Variants in RHOF observed in about 807,000 individuals in gnomAD.
RHOF encodes rho-related GTP-binding protein RhoF.
Under a neutral mutation model 22.2 loss-of-function variants are expected in RHOF, and 21 were observed. The observed-to-expected ratio is 0.95, with a 90% CI of 0.67 to 1.36. RHOF has a LOEUF of 1.36. Ranked by LOEUF, RHOF falls within the 40% of genes most tolerant of loss-of-function variation. RHOF has a pLI of 0.00. For missense variants in RHOF, 285 were observed against 293.7 expected, an observed-to-expected ratio of 0.97 and a Z score of 0.22; for synonymous variants, 135 against 131.2, an observed-to-expected ratio of 1.03 and a Z score of -0.20.
chr12:121,790,257 C>T (rs1293815424), intron 2 of RHOF, among the ~76,000 whole-genome samples: 1 of 152,260 alleles, frequency 6.6e-6, no homozygotes, highest in Non-Finnish European at 1.5e-5. Flanking sequence ...AGAGCCACCC[C>T]TGTCTCACAG....
At chr12:121,788,724 C>T (rs1039809523) in intron 2 of RHOF, among the ~76,000 whole-genome samples, 1 of 152,034 alleles carries the variant, frequency 6.6e-6, no homozygotes, top group South Asian at 2.1e-4. Context: ...ACAGTGATAA[C>T]CCTCCCCCTA....
intron 2 of RHOF, among the ~76,000 whole-genome samples, chr12:121,788,306 C>T (rs1323610259): frequency 6.6e-6 from 1 of 152,126 alleles, no homozygotes; most frequent in Non-Finnish European, 1.5e-5. Flanking sequence ...CTACTTGTCC[C>T]AGCCCTGACC....
intron 2 of RHOF, among the ~76,000 whole-genome samples, chr12:121,785,394 C>T (rs898005348): frequency 2.0e-5 from 3 of 150,012 alleles, no homozygotes; most frequent in South Asian, 2.1e-4. Flanking sequence ...CCCCCTTGGA[C>T]GTCTTCTCTC....
Position 121,779,455 on chromosome 12 carries a change from C to T in RHOF, c.*43G>A, listed in dbSNP as rs368862251. ...CCCTGGTGCAATCGGCACCTGGGCCCCCGGGCCCTGTCAGTGCTGTCGTGA... is the reference window on the plus strand; with the variant it reads ...CCCTGGTGCAATCGGCACCTGGGCCTCCGGGCCCTGTCAGTGCTGTCGTGA... On this transcript the variant is annotated 3_prime_UTR_variant, in exon 5 of 5. Transcript: ENST00000267205. 3.1e-6 allele frequency: 5 copies of T among 1,598,588 alleles called. No homozygotes were observed. The highest frequency in any genetic ancestry group is 1.7e-4 in the Middle Eastern group (1 of 5,844).
chr12:121,788,813 G>C (rs1427535211), intron 2 of RHOF, among the ~76,000 whole-genome samples: 1 of 152,254 alleles, frequency 6.6e-6, no homozygotes, highest in Middle Eastern at 3.4e-3. Context: ...GGAGTGGGGG[G>C]CAGTGCCGGG....
chr12:121,791,692 A>G (rs770373614), intron 2 of RHOF, among the ~76,000 whole-genome samples: 28 of 152,244 alleles, frequency 1.8e-4, no homozygotes, highest in Middle Eastern at 3.2e-3. Context: ...GCAAGGCCAG[A>G]AAGGCCATCC....
intron 2 of RHOF, among the ~76,000 whole-genome samples, chr12:121,790,353 C>T (rs1343302916): frequency 6.6e-6 from 1 of 152,288 alleles, no homozygotes; most frequent in Non-Finnish European, 1.5e-5. Flanking sequence ...ACTACGTTTA[C>T]TAGACTCATT....
Position 121,779,273 on chromosome 12 carries a change from G to T in RHOF, c.*225C>A. Reference sequence around the variant, plus strand: ...TTGCGAGTCCCGACAACAGACACTGGCTCCTGCACCCACATCACCACCATG... The same window carrying T: ...TTGCGAGTCCCGACAACAGACACTGTCTCCTGCACCCACATCACCACCATG... On this transcript the variant is annotated 3_prime_UTR_variant, in exon 5 of 5. Transcript: ENST00000267205. 1 of 577,910 alleles carries T rather than the reference G, an allele frequency of 1.7e-6. No homozygotes were observed. The highest frequency in any genetic ancestry group is 2.9e-5 in the East Asian group (1 of 34,906). The allele number at this position is 577,910 out of a possible 1,614,324, so 35.8% of individuals were successfully genotyped here.
Position 121,793,680 on chromosome 12 carries a change from A to G in RHOF, c.-47T>C, listed in dbSNP as rs1478022700. The G allele has an allele frequency of 1.4e-6, 2 of 1,468,224 alleles. No homozygotes were observed. 90.9% of individuals were successfully genotyped at this position (1,468,224 alleles called of 1,614,324 possible). ...GCGGCGGCGCGCCGGGCACTAGCGG[A>G]GCCAAGAGGTCGGGGGCGGGGCGGG... On this transcript the variant is annotated 5_prime_UTR_variant, in exon 1 of 5. Coordinates refer to ENST00000267205, the MANE Select transcript of RHOF (RefSeq NM_019034.3).
At chr12:121,789,732 G>A (rs920535555) in intron 2 of RHOF, among the ~76,000 whole-genome samples, 8 of 152,176 alleles carry the variant, frequency 5.3e-5, no homozygotes, top group Non-Finnish European at 1.2e-4. Context: ...CCAGGCCTCC[G>A]GTGCTTCTGG....
At position 121,780,922 on chromosome 12, in the gene RHOF, G is replaced by T. The variant is rs758161621; in HGVS notation, c.421C>A (p.Gln141Lys). Residue 141 changes from glutamine to lysine, a missense_variant, in exon 4 of 5, where the codon CAG becomes AAG. Coordinates refer to ENST00000267205, the MANE Select transcript of RHOF (RefSeq NM_019034.3). ...TGGGCGGCCCGGAGCTTCCGCAGCT[G>T]CTCCTTGTCCTTCCTCAGGTCTGTC... ...CKTDLRKDKE[Q>K]LRKLRAAQLE... 1 of 1,613,994 alleles carries T rather than the reference G, an allele frequency of 6.2e-7. No homozygotes were observed. The highest frequency in any genetic ancestry group is 1.1e-5 in the South Asian group (1 of 91,070).
At position 121,793,653 on chromosome 12, in the gene RHOF, T is replaced by TGGC; in HGVS notation, c.-23_-21dup. 2.6e-6 allele frequency: 4 copies of TGGC among 1,516,716 alleles called. No individual in the cohort carries two copies. Among genetic ancestry groups the TGGC allele is most frequent in the Non-Finnish European group, 3.5e-6 (4 of 1,138,906 alleles). The allele number at this position is 1,516,716 out of a possible 1,614,324, so 94.0% of individuals were successfully genotyped here. On this transcript the variant is annotated 5_prime_UTR_variant, in exon 1 of 5. Coordinates refer to ENST00000267205, the MANE Select transcript of RHOF (RefSeq NM_019034.3). The stretch of plus-strand genomic sequence containing the variant: ...ATCCATTGCCCGGAGCCCGCAGCAC[T>TGGC]GGCGGCGGCGCGCCGGGCACTAGCG...
intron 2 of RHOF, among the ~76,000 whole-genome samples, chr12:121,790,548 T>G (rs1029004311): frequency 2.0e-5 from 3 of 152,234 alleles, no homozygotes; most frequent in African/African-American, 7.2e-5. Context: ...TGACAAGCAC[T>G]GGGACCTGGG....
intron 2 of RHOF, among the ~76,000 whole-genome samples, chr12:121,790,416 C>T (rs1291903432): frequency 2.6e-5 from 4 of 152,258 alleles, no homozygotes; most frequent in Admixed American, 1.3e-4. Flanking sequence ...TCTACGTGGC[C>T]GCCTGGCCAT....
At chr12:121,784,020 C>T (rs1874545098) in intron 2 of RHOF, among the ~76,000 whole-genome samples, 2 of 152,166 alleles carry the variant, frequency 1.3e-5, no homozygotes, top group South Asian at 2.1e-4. Flanking sequence ...GTTTCTCAAA[C>T]CCACCAAGCT....
chr12:121,780,498 A>T (rs962165724), intron 4 of RHOF: 9 of 374,282 alleles, frequency 2.4e-5, no homozygotes, highest in African/African-American at 6.2e-5. Flanking sequence ...ACTTTCAAAC[A>T]AGGCAGACAG....
rs1044313377 is a variant in RHOF at position 121,779,882 on chromosome 12, C to T, written c.472-220G>A. 87 of 550,986 alleles carry T rather than the reference C, an allele frequency of 1.6e-4. No individual in the cohort carries two copies. The Middle Eastern group carries it at 2.1e-3, about 13-fold the overall frequency. 34.1% of individuals were successfully genotyped at this position (550,986 alleles called of 1,614,324 possible). A position where few individuals can be genotyped will look rare whatever the true frequency, so the allele number is the denominator to read the frequency against. Reference sequence around the variant, plus strand: ...TTGGAAGAAGCCCTGTCCAGGCCCCCACCCTGGCCTCTCTCCAGCTCCGGG... The same window carrying T: ...TTGGAAGAAGCCCTGTCCAGGCCCCTACCCTGGCCTCTCTCCAGCTCCGGG... On this transcript the variant is annotated intron_variant, in intron 4 of 4. Coordinates refer to ENST00000267205, the MANE Select transcript of RHOF (RefSeq NM_019034.3).
chr12:121,779,467 C>T lies in RHOF; in HGVS notation c.*31G>A. 6.2e-7 allele frequency: 1 copy of T among 1,604,334 alleles called. No homozygotes were observed. On this transcript the variant is annotated 3_prime_UTR_variant, in exon 5 of 5. Transcript: ENST00000267205. ...CGGCACCTGGGCCCCCGGGCCCTGT[C>T]AGTGCTGTCGTGAGGTCTGTCTGCC...
At chr12:121,780,712 C>T (rs1330131939) in intron 4 of RHOF, 160 bp downstream of exon 4, 3 of 801,702 alleles carry the variant, frequency 3.7e-6, no homozygotes, top group East Asian at 2.7e-5. Context: ...GTAAAGTGCT[C>T]AGGTCCACAG....
Sources: allele counts gnomAD v4.1 joint callset (sites outside exome capture counted in the v4.1 genomes callset), GRCh38; gene constraint gnomAD v4.1.1; transcripts MANE v1.5; gene names NCBI Gene and HGNC (gene_info 2026-07-23, HGNC 2026-07-21).